The following ACOT7 variants were observed in gnomAD, a reference collection of about 807,000 sequenced individuals.
The protein encoded by ACOT7 is acyl-CoA thioesterase 7.
A neutral mutation model predicts 40.2 loss-of-function variants in ACOT7; 12 were observed. The ratio of observed to expected loss-of-function variants is 0.30; its 90% confidence interval spans 0.19 to 0.48. The LOEUF is 0.48. Among genes scored for constraint, ACOT7 ranks in the 20% least tolerant of loss-of-function variants. The pLI is 0.99. For missense variants in ACOT7, 395 were observed against 530.8 expected, an observed-to-expected ratio of 0.74 and a Z score of 2.51; for synonymous variants, 228 against 219.5, an observed-to-expected ratio of 1.04 and a Z score of -0.34.
Position 6,385,653 on chromosome 1 carries a change from G to A in ACOT7, c.143+7604C>T. The A allele has an allele frequency of 6.2e-7, 1 of 1,611,986 alleles. No individual in the cohort carries two copies. Among genetic ancestry groups the A allele is most frequent in the Non-Finnish European group, 8.5e-7 (1 of 1,179,078 alleles). ...AAACTCACAGAGCCGGAGAGCCCTG[G>A]CAAGCAGCTTCATCCTGCGGTAAGT... On this transcript the variant is annotated intron_variant, in intron 1 of 8. Coordinates refer to ENST00000361521, the MANE Select transcript of ACOT7 (RefSeq NM_007274.4).
chr1:6,391,371 TG>T (rs1642529778), intron 1 of ACOT7, among the ~76,000 whole-genome samples: 1 of 152,132 alleles, frequency 6.6e-6, no homozygotes, highest in South Asian at 2.1e-4. Flanking sequence ...CCAGGCGTGG[TG>T]GCGCACTCTT....
At position 6,281,309 on chromosome 1, in the gene ACOT7, G is replaced by A. The variant is rs191303476; in HGVS notation, c.830-23C>T. Reference sequence around the variant, plus strand: ...AGCCTGTGGAGAAGGGAGGGCGGGGGTCAGGGCGGCCTCCACCCCACGGCT... The same window carrying A: ...AGCCTGTGGAGAAGGGAGGGCGGGGATCAGGGCGGCCTCCACCCCACGGCT... On this transcript the variant is annotated intron_variant, in intron 7 of 8. Coordinates refer to ENST00000361521, the MANE Select transcript of ACOT7 (RefSeq NM_007274.4). 1.7e-3 allele frequency: 2,715 copies of A among 1,594,020 alleles called. 40 individuals carry two copies. In the African/African-American group the frequency reaches 0.038, roughly 22 times the overall value.
At chr1:6,314,090 A>C (rs981897096) in intron 6 of ACOT7, among the ~76,000 whole-genome samples, 1 of 152,214 alleles carries the variant, frequency 6.6e-6, no homozygotes, top group East Asian at 1.9e-4. Context: ...GGCAGGGAAC[A>C]GTTCCGTGGC....
intron 1 of ACOT7, among the ~76,000 whole-genome samples, chr1:6,371,362 C>CTT (rs377275678): frequency 0.073 from 10,446 of 143,094 alleles, 417 homozygotes; most frequent in Non-Finnish European, 0.088. Flanking sequence ...TCAGCCTGTC[C>CTT]TTTTTTTTTT....
intron 5 of ACOT7, among the ~76,000 whole-genome samples, chr1:6,324,617 C>T (rs980636989): frequency 2.6e-5 from 4 of 152,188 alleles, no homozygotes; most frequent in African/African-American, 9.6e-5. Flanking sequence ...CCACACCCCC[C>T]GGGGTCTGGC....
At position 6,288,045 on chromosome 1, in the gene ACOT7, A is replaced by G. The variant is rs1639555211; in HGVS notation, c.830-6759T>C. On this transcript the variant is annotated intron_variant, in intron 7 of 8. Transcript: ENST00000361521. The surrounding 1 kb of genome is among the most constrained non-coding windows in gnomAD (Gnocchi z 4.3). The stretch of plus-strand genomic sequence containing the variant: ...ACGATATAACTTTTTCACACCAGCT[A>G]CCTCTGGACATTTTAATGTCTCAAC... 6.6e-6 allele frequency among the ~76,000 whole-genome samples: 1 copy of G among 151,534 alleles called. No individual in the cohort carries two copies. Among genetic ancestry groups the G allele is most frequent in the Non-Finnish European group, 1.5e-5 (1 of 67,888 alleles).
intron 6 of ACOT7, among the ~76,000 whole-genome samples, chr1:6,305,247 G>A (rs1640104444): frequency 1.4e-5 from 2 of 142,852 alleles, no homozygotes; most frequent in South Asian, 2.2e-4. Context: ...CCGGGCGGGG[G>A]GCTGACCCCC....
At chr1:6,323,492 C>T (rs568624985) in intron 5 of ACOT7, among the ~76,000 whole-genome samples, 6 of 151,722 alleles carry the variant, frequency 4.0e-5, no homozygotes, top group Non-Finnish European at 8.8e-5. Context: ...CTGAGGCGGG[C>T]GGATCGCCTG....
At chr1:6,368,109 A>T (rs1339836537) in intron 1 of ACOT7, among the ~76,000 whole-genome samples, 1 of 152,094 alleles carries the variant, frequency 6.6e-6, no homozygotes, top group African/African-American at 2.4e-5. Flanking sequence ...AAAGCACCAC[A>T]AGCTTCCCCT....
intron 1 of ACOT7, among the ~76,000 whole-genome samples, chr1:6,392,493 G>A (rs1642548210): frequency 6.6e-6 from 1 of 152,118 alleles, no homozygotes; most frequent in Admixed American, 6.5e-5. Flanking sequence ...ATGATCTCCA[G>A]CCTCCAGCTT....
At position 6,264,668 on chromosome 1, in the gene ACOT7, A is replaced by C; in HGVS notation, c.1042T>G (p.Phe348Val). ...VPETEDEKKR[F>V]EEGKGRYLQM... is the part of the protein sequence containing the mutation. ...AGGTACCGCCCTTTGCCTTCCTCAA[A>C]GCGCTTCTTCTCGTCCTCGGTCTCG... Residue 348 changes from phenylalanine to valine, a missense_variant, in exon 9 of 9, where the codon TTT becomes GTT. Physicochemically the swap from Phe to Val is conservative, Grantham distance 50. This residue lies in a region of ACOT7 where 309 missense variants were observed against 470.3 expected (regional missense o/e 0.66). Transcript: ENST00000361521. The C allele has an allele frequency of 6.2e-7, 1 of 1,613,458 alleles. No individual in the cohort carries two copies. The highest frequency in any genetic ancestry group is 8.5e-7 in the Non-Finnish European group (1 of 1,179,952).
intron 2 of ACOT7, among the ~76,000 whole-genome samples, chr1:6,340,075 C>T (rs894598736): frequency 1.3e-5 from 2 of 151,866 alleles, no homozygotes; most frequent in Non-Finnish European, 2.9e-5. Context: ...ACGCCATTCT[C>T]CTGCCTCAGC....
At position 6,359,023 on chromosome 1, in the gene ACOT7, C is replaced by T. The variant is rs966431598; in HGVS notation, c.144-9157G>A. 2.1e-5 allele frequency: 21 copies of T among 1,023,056 alleles called. No homozygotes were observed. In the East Asian group the frequency reaches 2.4e-4, roughly 12 times the overall value. The allele number at this position is 1,023,056 out of a possible 1,614,324, so 63.4% of individuals were successfully genotyped here. ...ATCTGGCCAGGAAGAGGCTGCCTCG[C>T]CAATCCAGAGCGTCTACCAGAAACC... On this transcript the variant is annotated intron_variant, in intron 1 of 8. Coordinates refer to ENST00000361521, the MANE Select transcript of ACOT7 (RefSeq NM_007274.4). The surrounding 1 kb of genome is among the most constrained non-coding windows in gnomAD (Gnocchi z 4.1).
At position 6,294,836 on chromosome 1, in the gene ACOT7, C is replaced by T; in HGVS notation, c.829+28G>A. 1 of 1,598,646 alleles carries T rather than the reference C, an allele frequency of 6.3e-7. No homozygotes were observed. The highest frequency in any genetic ancestry group is 8.6e-7 in the Non-Finnish European group (1 of 1,166,596). On this transcript the variant is annotated intron_variant, in intron 7 of 8. Coordinates refer to ENST00000361521, the MANE Select transcript of ACOT7 (RefSeq NM_007274.4). This position sits in a 1 kb window ranked among gnomAD's most constrained non-coding sequence, Gnocchi z 4.6. ...CCCAAGCAGCCGAGGGCCACTGCCT[C>T]CCTCGTCTTTGCCAGAAGAGTGGTT...
rs761710555 is a variant in ACOT7, at chr1:6,339,596, A to T, written c.262-7T>A. On this transcript the variant is annotated splice_polypyrimidine_tract_variant and splice_region_variant and intron_variant, in intron 2 of 8. Coordinates refer to ENST00000361521, the MANE Select transcript of ACOT7 (RefSeq NM_007274.4). ...GGGCGGCCACACAGCGCTCCTGTGG[A>T]GACAGAGGCAGTTGTCAGCCCAGGT... 6.2e-7 allele frequency: 1 copy of T among 1,610,324 alleles called. No homozygotes were observed. The highest frequency in any genetic ancestry group is 8.5e-7 in the Non-Finnish European group (1 of 1,177,590).
intron 1 of ACOT7, among the ~76,000 whole-genome samples, chr1:6,383,023 CG>C (rs562964241): frequency 0.011 from 1,710 of 150,994 alleles, 33 homozygotes; most frequent in African/African-American, 0.039. Context: ...GGACTACAGG[CG>C]TGGGCTACCA....
chr1:6,335,681 C>A (rs1282606399), intron 3 of ACOT7, among the ~76,000 whole-genome samples: 3 of 152,186 alleles, frequency 2.0e-5, no homozygotes, highest in Non-Finnish European at 4.4e-5. Context: ...GCTTTTCCTC[C>A]TCAATAAACA....
At chr1:6,337,384 G>A (rs1245155885) in intron 3 of ACOT7, among the ~76,000 whole-genome samples, 1 of 152,228 alleles carries the variant, frequency 6.6e-6, no homozygotes, top group African/African-American at 2.4e-5. Context: ...GTCAGATTGT[G>A]TCGTCCTCAT....
At chr1:6,389,979 T>C (rs1235567379) in intron 1 of ACOT7, among the ~76,000 whole-genome samples, 1 of 152,176 alleles carries the variant, frequency 6.6e-6, no homozygotes, top group Non-Finnish European at 1.5e-5. Flanking sequence ...TAAAGCATTG[T>C]TAAATTCATG....
Sources: gnomAD v4.1 joint callset for allele counts (sites outside exome capture counted in the v4.1 genomes callset) on GRCh38, gnomAD v4.1.1 for gene constraint, gnomAD v4.1.1 regional missense constraint, Gnocchi (gnomAD v3.1) non-coding constraint, MANE v1.5 for transcripts, NCBI Gene and HGNC (gene_info 2026-07-23, HGNC 2026-07-21) for gene names.